The following PRDM13 variants were observed in gnomAD, a reference collection of about 807,000 sequenced individuals.
PRDM13 encodes the protein PR/SET domain 13, also known as PR domain zinc finger protein 13.
In PRDM13, 15 loss-of-function variants were observed where a neutral mutation model predicts 36.4. The observed-to-expected ratio is 0.41, with a 90% CI of 0.28 to 0.64. The LOEUF is 0.64. Among genes scored for constraint, PRDM13 ranks in the 30% least tolerant of loss-of-function variants. PRDM13 has a pLI of 0.29. For missense variants in PRDM13, 1,044 were observed against 1,013.5 expected (o/e 1.03, Z -0.41); for synonymous variants, 531 against 467.7 (o/e 1.14, Z -1.75).
chr6:99,613,306 G>A lies in PRDM13; in HGVS notation c.671G>A (p.Arg224Gln), dbSNP rs1770060363. 2 of 1,570,926 alleles carry A rather than the reference G, an allele frequency of 1.3e-6. No homozygotes were observed. Among genetic ancestry groups the A allele is most frequent in the African/African-American group, 1.4e-5 (1 of 74,060 alleles). The change falls in exon 4 of 4, where the codon CGG becomes CAG. Residue 224 changes from arginine (R) to glutamine (Q), a missense_variant. Arg to Gln is a conservative substitution (Grantham distance 43, BLOSUM62 1). Coordinates refer to ENST00000369215, the MANE Select transcript of PRDM13 (RefSeq NM_021620.4). The surrounding 1 kb of genome is among the most constrained non-coding windows in gnomAD (Gnocchi z 6.1). ...GPPPVQACGA[R>Q]EGIKREASSA... ...CCACCAGTTCAGGCCTGCGGTGCGC[G>A]GGAGGGCATCAAGCGCGAGGCCTCT...
chr6:99,613,738 TCG>T lies in PRDM13; in HGVS notation c.1105_1106del (p.Ala369TrpfsTer82). 6.8e-7 allele frequency: 1 copy of T among 1,478,396 alleles called. No individual in the cohort carries two copies. Among genetic ancestry groups the T allele is most frequent in the Non-Finnish European group, 8.9e-7 (1 of 1,121,738 alleles). 91.6% of individuals were successfully genotyped at this position (1,478,396 alleles called of 1,614,324 possible). A position where few individuals can be genotyped will look rare whatever the true frequency, so the allele number is the denominator to read the frequency against. On this transcript the variant is annotated frameshift_variant, in exon 4 of 4. Coordinates refer to ENST00000369215, the MANE Select transcript of PRDM13 (RefSeq NM_021620.4). LOFTEE classifies it high-confidence loss of function. This position sits in a 1 kb window ranked among gnomAD's most constrained non-coding sequence, Gnocchi z 6.1. ...CACCACCACCATCCCAAGTGCCTGC[TCG>T]CTGGGGACCCGCCGCCGCCGCCGCC...
intron 2 of PRDM13, 48 bp downstream of exon 2, chr6:99,608,920 A>T (rs1184826399): frequency 6.3e-7 from 1 of 1,587,276 alleles, no homozygotes; most frequent in East Asian, 2.2e-5. Flanking sequence ...CCGCCAATTC[A>T]GTCTACCTAA....
intron 3 of PRDM13, 86 bp from the exon 4 acceptor site, chr6:99,612,947 G>A (rs1770052890): frequency 3.2e-6 from 5 of 1,557,852 alleles, no homozygotes; most frequent in Non-Finnish European, 4.3e-6. Context: ...TCGAAACTTG[G>A]GCTTTGCCTT....
chr6:99,612,821 C>T (rs966683491), intron 3 of PRDM13, among the ~76,000 whole-genome samples: 2 of 152,118 alleles, frequency 1.3e-5, no homozygotes, highest in South Asian at 4.1e-4. Context: ...TTTTTGGCCT[C>T]CGAGTAGTCC....
In PRDM13 at chr6:99,614,250, G is replaced by C. The variant is rs1362466791; in HGVS notation, c.1615G>C (p.Gly539Arg). 1 of 1,608,856 alleles carries C rather than the reference G, an allele frequency of 6.2e-7. No homozygotes were observed. The highest frequency in any genetic ancestry group is 1.7e-5 in the Admixed American group (1 of 59,796). Residue 539 changes from glycine (G) to arginine (R), a missense_variant, in exon 4 of 4, where the codon GGA becomes CGA. By Grantham distance (125) the Gly-to-Arg change is moderately radical (BLOSUM62 -2). Coordinates refer to ENST00000369215, the MANE Select transcript of PRDM13 (RefSeq NM_021620.4). Reference protein sequence around the residue: ...LSEMAAGKGRGRLDSGTLPPA... With the variant: ...LSEMAAGKGRRRLDSGTLPPA... Reference sequence around the variant, plus strand: ...CGAGATGGCTGCCGGGAAGGGTCGCGGACGCCTGGACTCGGGGACGTTGCC... The same window carrying C: ...CGAGATGGCTGCCGGGAAGGGTCGCCGACGCCTGGACTCGGGGACGTTGCC...
In PRDM13 at chr6:99,609,353, C is replaced by G. The variant is rs771285094; in HGVS notation, c.397+46C>G. The G allele has an allele frequency of 4.4e-6, 7 of 1,601,092 alleles. No individual in the cohort carries two copies. The Admixed American group carries it at 1.2e-4, about 27-fold the overall frequency. On this transcript the variant is annotated intron_variant, in intron 3 of 3. Coordinates refer to ENST00000369215, the MANE Select transcript of PRDM13 (RefSeq NM_021620.4). ...GATGGGCAAAAGTCCAGCCCTCCTC[C>G]TCCTGTCTTGAAGCGAGTCCCTAGA...
rs1482094936 is a variant in PRDM13, at chr6:99,613,802, C to T, written c.1167C>T (p.Phe389=). Residue 389 remains phenylalanine (F), a synonymous_variant, in exon 4 of 4, where the codon TTC becomes TTT. Transcript: ENST00000369215. This position sits in a 1 kb window ranked among gnomAD's most constrained non-coding sequence, Gnocchi z 6.1. ...GLPCSGALRG[F]PLLSVPPEEA... ...CCTGCTCTGGGGCCCTGCGCGGCTT[C>T]CCTCTGCTCTCCGTCCCCCCGGAAG... 1.6e-5 allele frequency: 24 copies of T among 1,508,916 alleles called. No individual in the cohort carries two copies. The highest frequency in any genetic ancestry group is 2.0e-5 in the Non-Finnish European group (23 of 1,136,228). The allele number at this position is 1,508,916 out of a possible 1,614,324, so 93.5% of individuals were successfully genotyped here. A position where few individuals can be genotyped will look rare whatever the true frequency, so the allele number is the denominator to read the frequency against.
In PRDM13 at chr6:99,614,731, T is replaced by C; in HGVS notation, c.2096T>C (p.Val699Ala). Residue 699 changes from valine (V) to alanine (A), a missense_variant, in exon 4 of 4, where the codon GTT (valine) becomes GCT (alanine). Val to Ala is a moderately conservative substitution (Grantham distance 64). Transcript: ENST00000369215. Reference sequence around the variant, plus strand: ...ACAGACGACCAGAGCGACCCCGAGGTTGGGGGCGGCGGGGAGCGCGACTTG... The same window carrying C: ...ACAGACGACCAGAGCGACCCCGAGGCTGGGGGCGGCGGGGAGCGCGACTTG... ...CFTDDQSDPE[V>A]GGGGERDL 1 of 1,582,666 alleles carries C rather than the reference T, an allele frequency of 6.3e-7. No homozygotes were observed. Among genetic ancestry groups the C allele is most frequent in the Admixed American group, 1.8e-5 (1 of 55,508 alleles).
chr6:99,607,030 C>A lies in PRDM13; in HGVS notation c.-5C>A, dbSNP rs533839306. On this transcript the variant is annotated 5_prime_UTR_variant, in exon 1 of 4. Transcript: ENST00000369215. ...CCGAGCGCCTGCCTGGTGGCGGCGGCAACAATGCACGGAGCCGCCAGAGCG... is the reference window on the plus strand; with the variant it reads ...CCGAGCGCCTGCCTGGTGGCGGCGGAAACAATGCACGGAGCCGCCAGAGCG... 1.9e-6 allele frequency: 3 copies of A among 1,604,960 alleles called. No homozygotes were observed. In the African/African-American group the frequency reaches 4.0e-5, roughly 22 times the overall value.
chr6:99,607,011 G>A lies in PRDM13; in HGVS notation c.-24G>A. 6.3e-7 allele frequency: 1 copy of A among 1,597,880 alleles called. No homozygotes were observed. Among genetic ancestry groups the A allele is most frequent in the Non-Finnish European group, 8.5e-7 (1 of 1,171,840 alleles). ...TTCCAAGGACCTGGAGCACCCGAGC[G>A]CCTGCCTGGTGGCGGCGGCAACAAT... is the stretch of plus-strand genomic sequence containing the variant. On this transcript the variant is annotated 5_prime_UTR_variant, in exon 1 of 4. Coordinates refer to ENST00000369215, the MANE Select transcript of PRDM13 (RefSeq NM_021620.4).
chr6:99,612,629 T>C (rs747081851), intron 3 of PRDM13, among the ~76,000 whole-genome samples: 3 of 152,204 alleles, frequency 2.0e-5, no homozygotes, highest in Non-Finnish European at 1.5e-5. Context: ...CTCCTTGACA[T>C]ACGCCACCTA....
chr6:99,614,589 CGCCACCCTG>C lies in PRDM13; in HGVS notation c.1959_1967del (p.His653_Gly655del). 1 of 1,612,644 alleles carries C rather than the reference CGCCACCCTG, an allele frequency of 6.2e-7. No individual in the cohort carries two copies. Among genetic ancestry groups the C allele is most frequent in the South Asian group, 1.1e-5 (1 of 91,068 alleles). ...GGACCTGGAGCGACATGTCAAGTCC[CGCCACCCTG>C]GCCAGAGTCTGCTCGCCAAAGCGGG... On this transcript the variant is annotated inframe_deletion, in exon 4 of 4. Transcript: ENST00000369215.
Position 99,614,955 on chromosome 6 carries a change from G to T in PRDM13, c.*196G>T, listed in dbSNP as rs1043090936. ...CTCAGAGCAACAGTTCAGAGGTGGC[G>T]TAAATCTGGCCACCTGGAGAGCTCG... On this transcript the variant is annotated 3_prime_UTR_variant, in exon 4 of 4. Transcript: ENST00000369215. 1 of 786,624 alleles carries T rather than the reference G, an allele frequency of 1.3e-6. No individual in the cohort carries two copies. Among genetic ancestry groups the T allele is most frequent in the Non-Finnish European group, 1.9e-6 (1 of 516,914 alleles). The allele number at this position is 786,624 out of a possible 1,614,324, so 48.7% of individuals were successfully genotyped here.
Position 99,613,423 on chromosome 6 carries a change from G to T in PRDM13, c.788G>T (p.Gly263Val). 6.4e-7 allele frequency: 1 copy of T among 1,552,458 alleles called. No homozygotes were observed. Among genetic ancestry groups the T allele is most frequent in the Non-Finnish European group, 8.6e-7 (1 of 1,156,994 alleles). Residue 263 changes from glycine (G) to valine (V), a missense_variant, in exon 4 of 4, where the codon GGA becomes GTA. Gly to Val is a moderately radical substitution (Grantham distance 109). Transcript: ENST00000369215. This position sits in a 1 kb window ranked among gnomAD's most constrained non-coding sequence, Gnocchi z 6.1. ...EQLDRALDMS[G>V]AARGQGHFLG... is the part of the protein sequence containing the mutation. The stretch of plus-strand genomic sequence containing the variant: ...CTGGACCGTGCCCTGGACATGAGCG[G>T]AGCCGCCCGAGGACAAGGGCACTTC...
chr6:99,610,707 T>C (rs1770017891), intron 3 of PRDM13, among the ~76,000 whole-genome samples: 1 of 152,182 alleles, frequency 6.6e-6, no homozygotes, highest in Non-Finnish European at 1.5e-5. Context: ...CTTCTTCCAG[T>C]AAAAAGAGAA....
chr6:99,613,238 G>C lies in PRDM13; in HGVS notation c.603G>C (p.Ala201=). The change falls in exon 4 of 4, where the codon GCG becomes GCC. Residue 201 remains alanine, a synonymous_variant. Transcript: ENST00000369215. The surrounding 1 kb of genome is among the most constrained non-coding windows in gnomAD (Gnocchi z 6.1). ...SPKPPAPDFA[A]PSQAGTLRPH... is the part of the protein sequence containing the mutation. ...AACCCCCGGCGCCCGATTTCGCCGC[G>C]CCTTCCCAGGCAGGAACTTTGCGAC... The C allele has an allele frequency of 6.2e-7, 1 of 1,610,556 alleles. No individual in the cohort carries two copies. Among genetic ancestry groups the C allele is most frequent in the South Asian group, 1.1e-5 (1 of 90,786 alleles).
rs1473902089 is a variant in PRDM13, at chr6:99,607,215, C to A, written c.144+37C>A. ...TCAGACCTCTGCCCACTGCCATTCG[C>A]CTCTCAGTGCCCTGACCCGGGAAAG... On this transcript the variant is annotated intron_variant, in intron 1 of 3. Coordinates refer to ENST00000369215, the MANE Select transcript of PRDM13 (RefSeq NM_021620.4). 5 of 1,606,582 alleles carry A rather than the reference C, an allele frequency of 3.1e-6. No homozygotes were observed. The Admixed American group carries it at 8.4e-5, about 27-fold the overall frequency.
chr6:99,608,503 T>C (rs1268046748), intron 1 of PRDM13, among the ~76,000 whole-genome samples: 1 of 152,036 alleles, frequency 6.6e-6, no homozygotes, highest in East Asian at 1.9e-4. Flanking sequence ...CCCCTCCCCG[T>C]GTCGTCAAGG....
At position 99,607,197 on chromosome 6, in the gene PRDM13, T is replaced by A. The variant is rs1769960018; in HGVS notation, c.144+19T>A. Reference sequence around the variant, plus strand: ...GAAAAAGGTATTGACCATTCAGACCTCTGCCCACTGCCATTCGCCTCTCAG... The same window carrying A: ...GAAAAAGGTATTGACCATTCAGACCACTGCCCACTGCCATTCGCCTCTCAG... On this transcript the variant is annotated intron_variant, in intron 1 of 3. Coordinates refer to ENST00000369215, the MANE Select transcript of PRDM13 (RefSeq NM_021620.4). The A allele has an allele frequency of 1.2e-6, 2 of 1,611,454 alleles. No individual in the cohort carries two copies. The highest frequency in any genetic ancestry group is 1.7e-6 in the Non-Finnish European group (2 of 1,179,250).
Sources: gnomAD v4.1 joint callset for allele counts (sites outside exome capture counted in the v4.1 genomes callset) on GRCh38, gnomAD v4.1.1 for gene constraint, Gnocchi (gnomAD v3.1) non-coding constraint, MANE v1.5 for transcripts, NCBI Gene and HGNC (gene_info 2026-07-23, HGNC 2026-07-21) for gene names.